The following TNFRSF21 variants were observed in gnomAD, a reference collection of about 807,000 sequenced individuals.
TNFRSF21 encodes the protein tumor necrosis factor receptor superfamily member 21.
A neutral mutation model predicts 45.6 loss-of-function variants in TNFRSF21; 19 were observed. The observed-to-expected ratio is 0.42, with a 90% CI of 0.29 to 0.61. The LOEUF (loss-of-function observed/expected upper bound fraction) is 0.61. Ranked by LOEUF, TNFRSF21 falls within the 20% of genes least tolerant of loss-of-function variation. The probability of loss-of-function intolerance (pLI) is 0.23; values close to 1 mark genes in which losing one functional copy is unlikely to be tolerated. For missense variants in TNFRSF21, 737 were observed against 851.5 expected (o/e 0.87, Z 1.67); for synonymous variants, 314 against 335.5 (o/e 0.94, Z 0.70).
In TNFRSF21 at chr6:47,287,196, A is replaced by G. The variant is rs187153397; in HGVS notation, c.97-601T>C. ...GTGGTGCATGCCTGTAATCCCAGCT[A>G]CTCAGGAGACTGAGGCATGATAATC... On this transcript the variant is annotated intron_variant, in intron 1 of 5. Transcript: ENST00000296861. 2.1e-3 allele frequency among the ~76,000 whole-genome samples: 313 copies of G among 151,280 alleles called. 1 individual carries two copies. Among genetic ancestry groups the G allele is most frequent in the African/African-American group, 7.0e-3 (289 of 41,190 alleles).
At chr6:47,275,147 A>G (rs1427518714) in intron 3 of TNFRSF21, among the ~76,000 whole-genome samples, 2 of 152,200 alleles carry the variant, frequency 1.3e-5, no homozygotes, top group African/African-American at 4.8e-5. Context: ...CAGCAATCCC[A>G]TTACTGGTTA....
chr6:47,261,764 T>C (rs1403997089), intron 3 of TNFRSF21, among the ~76,000 whole-genome samples: 1 of 152,252 alleles, frequency 6.6e-6, no homozygotes, highest in Non-Finnish European at 1.5e-5. Context: ...AAAATCCTTC[T>C]GCTGGGATCA....
rs755924428 is a variant in TNFRSF21, at chr6:47,286,012, G to A, written c.680C>T (p.Thr227Ile). 6.2e-7 allele frequency: 1 copy of A among 1,614,242 alleles called. No homozygotes were observed. The highest frequency in any genetic ancestry group is 1.1e-5 in the South Asian group (1 of 91,088). Residue 227 changes from threonine to isoleucine, a missense_variant, in exon 2 of 6, where the codon ACA (threonine) becomes ATA (isoleucine). By Grantham distance (89) the Thr-to-Ile change is moderately conservative. Transcript: ENST00000296861. ...GTGCTCAGGGCGTGGAAAGATGGCT[G>A]TGCCAGGGGAAGGTGAGGTGGAGCT... Reference protein sequence around the residue: ...FSSSTSPSPGTAIFPRPEHME... With the variant: ...FSSSTSPSPGIAIFPRPEHME...
chr6:47,289,432 G>A (rs1218080891), intron 1 of TNFRSF21, among the ~76,000 whole-genome samples: 1 of 152,062 alleles, frequency 6.6e-6, no homozygotes, highest in African/African-American at 2.4e-5. Context: ...CAGCTTATGA[G>A]GGTATATTCA....
chr6:47,234,625 TG>T, intron 5 of TNFRSF21, 44 bp downstream of exon 5: 3 of 1,487,112 alleles, frequency 2.0e-6, no homozygotes, highest in Non-Finnish European at 2.8e-6. Flanking sequence ...AGGGGCTCTT[TG>T]GGGGGTTTAA....
chr6:47,235,856 G>A (rs1409084988), intron 4 of TNFRSF21, among the ~76,000 whole-genome samples: 1 of 152,178 alleles, frequency 6.6e-6, no homozygotes, highest in Non-Finnish European at 1.5e-5. Flanking sequence ...TTCTGGAGTG[G>A]GGAGGTCAGA....
In TNFRSF21 at chr6:47,261,836, C is replaced by T. The variant is rs143322265; in HGVS notation, c.1244-8315G>A. Among the ~76,000 whole-genome samples, 23 of 152,322 alleles carry T rather than the reference C, an allele frequency of 1.5e-4. No individual in the cohort carries two copies. In the East Asian group the frequency reaches 3.9e-3, roughly 26 times the overall value. On this transcript the variant is annotated intron_variant, in intron 3 of 5. Coordinates refer to ENST00000296861, the MANE Select transcript of TNFRSF21 (RefSeq NM_014452.5). ...AGTAAGTGCTCCTAAAAGCAACATACCCACATGTACCTGTGTTTCATAGTA... is the reference window on the plus strand; with the variant it reads ...AGTAAGTGCTCCTAAAAGCAACATATCCACATGTACCTGTGTTTCATAGTA...
intron 4 of TNFRSF21, among the ~76,000 whole-genome samples, 167 bp from the exon 5 acceptor site, chr6:47,235,065 C>T (rs1186108970): frequency 2.6e-5 from 4 of 152,042 alleles, no homozygotes; most frequent in African/African-American, 9.7e-5. Context: ...CATACACAGA[C>T]TTTTAAACCC....
chr6:47,275,845 G>C (rs6458553), intron 3 of TNFRSF21, among the ~76,000 whole-genome samples: 47,072 of 151,936 alleles, frequency 0.31, 7,513 homozygotes, highest in Non-Finnish European at 0.35. Flanking sequence ...TCAGTGGCAT[G>C]AGGTTGGCAT....
chr6:47,279,477 T>A (rs563219330), intron 3 of TNFRSF21, among the ~76,000 whole-genome samples: 1 of 152,232 alleles, frequency 6.6e-6, no homozygotes, highest in Non-Finnish European at 1.5e-5. Context: ...GTGCAATGTA[T>A]GGCCAATTGT....
At chr6:47,263,592 A>G (rs911475450) in intron 3 of TNFRSF21, among the ~76,000 whole-genome samples, 1 of 152,186 alleles carries the variant, frequency 6.6e-6, no homozygotes, top group African/African-American at 2.4e-5. Context: ...TTGGAGGCAA[A>G]GGGAAGAAAG....
intron 1 of TNFRSF21, among the ~76,000 whole-genome samples, chr6:47,306,738 A>G (rs1424180841): frequency 6.6e-6 from 1 of 152,234 alleles, no homozygotes; most frequent in African/African-American, 2.4e-5. Context: ...AAGTCATAAC[A>G]CAAAAATGAT....
At chr6:47,264,943 C>T (rs1374795734) in intron 3 of TNFRSF21, among the ~76,000 whole-genome samples, 4 of 152,212 alleles carry the variant, frequency 2.6e-5, no homozygotes, top group African/African-American at 9.7e-5. Context: ...GGTGTTTACA[C>T]TTCAAGTCTA....
chr6:47,266,908 C>G (rs1762339107), intron 3 of TNFRSF21, among the ~76,000 whole-genome samples: 1 of 152,108 alleles, frequency 6.6e-6, no homozygotes, highest in Non-Finnish European at 1.5e-5. Context: ...TCCCAATAAG[C>G]AGGTTTGCTT....
intron 4 of TNFRSF21, among the ~76,000 whole-genome samples, chr6:47,246,579 C>T (rs1764827601): frequency 6.6e-6 from 1 of 152,178 alleles, no homozygotes; most frequent in South Asian, 2.1e-4. Flanking sequence ...TAGCACGTGA[C>T]ATGAACTGGG....
At position 47,232,476 on chromosome 6, in the gene TNFRSF21, A is replaced by G. The variant is rs999962101; in HGVS notation, c.*289T>C. The stretch of plus-strand genomic sequence containing the variant: ...CATAAGAAGGCAAAATGGAGAAAAT[A>G]TGGAACTTAAAAAACTTTAGTGGTG... On this transcript the variant is annotated 3_prime_UTR_variant, in exon 6 of 6. Transcript: ENST00000296861. 4 of 331,344 alleles carry G rather than the reference A, an allele frequency of 1.2e-5. No individual in the cohort carries two copies. Among genetic ancestry groups the G allele is most frequent in the Admixed American group, 8.9e-5 (2 of 22,392 alleles). The allele number at this position is 331,344 out of a possible 1,614,324, so 20.5% of individuals were successfully genotyped here. A position where few individuals can be genotyped will look rare whatever the true frequency, so the allele number is the denominator to read the frequency against.
intron 1 of TNFRSF21, among the ~76,000 whole-genome samples, chr6:47,296,074 T>C (rs1054091616): frequency 6.6e-6 from 1 of 152,206 alleles, no homozygotes; most frequent in African/African-American, 2.4e-5. Context: ...AATAACTATT[T>C]CTAAGACTTC....
At chr6:47,301,017 A>G (rs1352786778) in intron 1 of TNFRSF21, among the ~76,000 whole-genome samples, 1 of 152,224 alleles carries the variant, frequency 6.6e-6, no homozygotes, top group Non-Finnish European at 1.5e-5. Flanking sequence ...CTATAAACAA[A>G]GGGAATTGAA....
chr6:47,284,703 C>G (rs1277511648), intron 2 of TNFRSF21, among the ~76,000 whole-genome samples: 1 of 152,254 alleles, frequency 6.6e-6, no homozygotes, highest in African/African-American at 2.4e-5. Context: ...TTGACAGCAG[C>G]TTCTCCTGTA....
Sources: allele counts gnomAD v4.1 joint callset (sites outside exome capture counted in the v4.1 genomes callset), GRCh38; gene constraint gnomAD v4.1.1; transcripts MANE v1.5; gene names NCBI Gene and HGNC (gene_info 2026-07-23, HGNC 2026-07-21).